Variants in NRXN3 observed in about 807,000 individuals in gnomAD.
NRXN3 encodes the protein neurexin 3.
NRXN3 carries 32 observed loss-of-function variants against 137.6 expected under a neutral mutation model. The ratio of observed to expected loss-of-function variants is 0.23; its 90% CI spans 0.18 to 0.31. The LOEUF (loss-of-function observed/expected upper bound fraction) is 0.31, where lower values mean the gene tolerates loss of function less well. NRXN3 is among the 10% of genes least tolerant of loss of function. The pLI is 1.00. For missense variants in NRXN3, 1,574 were observed against 2,062.5 expected, an observed-to-expected ratio of 0.76 and a Z score of 4.59; for synonymous variants, 798 against 784.5, an observed-to-expected ratio of 1.02 and a Z score of -0.29.
At chr14:79,144,500 A>G (rs1321777810) in intron 15 of NRXN3, among the ~76,000 whole-genome samples, 1 of 152,148 alleles carries the variant, frequency 6.6e-6, no homozygotes, top group Non-Finnish European at 1.5e-5. Context: ...ATGCTTGCCA[A>G]TATATTGTTT....
chr14:79,274,965 T>G (rs2080052761), intron 15 of NRXN3, among the ~76,000 whole-genome samples: 1 of 152,204 alleles, frequency 6.6e-6, no homozygotes, highest in South Asian at 2.1e-4. Flanking sequence ...AAGCAAATAC[T>G]TGTAGAAGTG....
chr14:78,608,889 G>A (rs1260552011), intron 4 of NRXN3, among the ~76,000 whole-genome samples: 1 of 152,144 alleles, frequency 6.6e-6, no homozygotes, highest in Admixed American at 6.5e-5. Context: ...AACTGTGTTG[G>A]GAAGTGTGAG....
chr14:79,718,384 T>G (rs1001057461), intron 19 of NRXN3, among the ~76,000 whole-genome samples: 1 of 152,158 alleles, frequency 6.6e-6, no homozygotes, highest in Non-Finnish European at 1.5e-5. Flanking sequence ...ACAGGGCCTG[T>G]TTGGCTGTGG....
intron 19 of NRXN3, among the ~76,000 whole-genome samples, chr14:79,778,088 AGT>A (rs1316587902): frequency 6.6e-6 from 1 of 152,230 alleles, no homozygotes; most frequent in African/African-American, 2.4e-5. Flanking sequence ...GCATGTAGTC[AGT>A]GTGTCAGACA....
chr14:78,330,991 T>G (rs2080751492), intron 4 of NRXN3, among the ~76,000 whole-genome samples: 1 of 152,126 alleles, frequency 6.6e-6, no homozygotes, highest in Non-Finnish European at 1.5e-5. Flanking sequence ...ATTTGAAACA[T>G]TGGAGTCAGA....
chr14:79,752,781 A>G (rs2099002845), intron 19 of NRXN3, among the ~76,000 whole-genome samples: 1 of 152,058 alleles, frequency 6.6e-6, no homozygotes, highest in African/African-American at 2.4e-5. Flanking sequence ...GTGAACAGGC[A>G]ACCTACAAAA....
chr14:78,639,991 T>G (rs1408112642), intron 4 of NRXN3, among the ~76,000 whole-genome samples: 1 of 152,238 alleles, frequency 6.6e-6, no homozygotes, highest in Non-Finnish European at 1.5e-5. Flanking sequence ...TATCAATGTC[T>G]GACATGTTTT....
At chr14:79,574,358 C>A (rs937002904) in intron 16 of NRXN3, among the ~76,000 whole-genome samples, 3 of 151,964 alleles carry the variant, frequency 2.0e-5, no homozygotes, top group African/African-American at 7.3e-5. Context: ...GCCTATGTAG[C>A]CTTCCAAAAA....
intron 3 of NRXN3, among the ~76,000 whole-genome samples, chr14:78,291,334 A>G (rs747886649): frequency 5.9e-5 from 9 of 152,202 alleles, no homozygotes; most frequent in Non-Finnish European, 1.0e-4. Flanking sequence ...ATGAGATAAC[A>G]CATAGCCATG....
chr14:78,224,204 T>G (rs540019336), intron 1 of NRXN3, among the ~76,000 whole-genome samples: 1 of 152,274 alleles, frequency 6.6e-6, no homozygotes, highest in Non-Finnish European at 1.5e-5. Context: ...TTTTTAACTT[T>G]TAAAGTTATC....
intron 15 of NRXN3, among the ~76,000 whole-genome samples, chr14:79,241,804 C>A (rs572411745): frequency 1.3e-5 from 2 of 152,100 alleles, no homozygotes; most frequent in Non-Finnish European, 2.9e-5. Context: ...TGGTGGCTCA[C>A]GCCTGTAATC....
At chr14:78,915,345 CAAAAAAAAAAA>C (rs35908076) in intron 10 of NRXN3, among the ~76,000 whole-genome samples, 2 of 11,196 alleles carry the variant, frequency 1.8e-4, no homozygotes, top group East Asian at 3.4e-3. Context: ...ACGTGTGAAG[CAAAAAAAAAAA>C]AAAAAAAAAA....
At chr14:78,726,649 G>T (rs1362496880) in intron 8 of NRXN3, among the ~76,000 whole-genome samples, 1 of 150,564 alleles carries the variant, frequency 6.6e-6, no homozygotes, top group Non-Finnish European at 1.5e-5. Context: ...CTCTTAAGTA[G>T]CTGGGACCAC....
intron 15 of NRXN3, among the ~76,000 whole-genome samples, chr14:79,070,943 T>G (rs376312353): frequency 1.1e-4 from 16 of 152,284 alleles, no homozygotes; most frequent in Admixed American, 2.0e-4. Context: ...AGTTTAACGA[T>G]GTAGCCGTAG....
At chr14:79,799,133 T>C (rs890246332) in intron 19 of NRXN3, among the ~76,000 whole-genome samples, 29 of 152,198 alleles carry the variant, frequency 1.9e-4, no homozygotes, top group African/African-American at 7.0e-4. Flanking sequence ...ATAGGGCTCC[T>C]GCCAGACAGA....
intron 14 of NRXN3, among the ~76,000 whole-genome samples, chr14:78,976,330 T>C (rs1430038524): frequency 6.6e-6 from 1 of 152,196 alleles, no homozygotes; most frequent in East Asian, 1.9e-4. Context: ...AAGGTGTCCC[T>C]CTGCCCAGAT....
At chr14:78,672,939 C>T (rs2097952536) in intron 6 of NRXN3, among the ~76,000 whole-genome samples, 1 of 151,942 alleles carries the variant, frequency 6.6e-6, no homozygotes, top group Admixed American at 6.6e-5. Context: ...GCTTTTAGTC[C>T]CTATAGGCAG....
chr14:79,822,907 AAG>A (rs2099277105), intron 20 of NRXN3, among the ~76,000 whole-genome samples: 1 of 152,232 alleles, frequency 6.6e-6, no homozygotes, highest in Non-Finnish European at 1.5e-5. Context: ...TACTTAAAGA[AAG>A]ACAGAAACTT....
At chr14:79,276,974 A>G (rs1208541384) in intron 15 of NRXN3, among the ~76,000 whole-genome samples, 1 of 152,246 alleles carries the variant, frequency 6.6e-6, no homozygotes, top group East Asian at 1.9e-4. Flanking sequence ...CAGCCCTCAG[A>G]GAGCTTATAA....
Sources: allele counts gnomAD v4.1 joint callset (sites outside exome capture counted in the v4.1 genomes callset), GRCh38; gene constraint gnomAD v4.1.1; transcripts MANE v1.5; gene names NCBI Gene and HGNC (gene_info 2026-07-23, HGNC 2026-07-21).